LZTFL1: variants seen among roughly 807,000 people sequenced by gnomAD.
LZTFL1 encodes leucine zipper transcription factor like 1.
LZTFL1 carries 25 observed loss-of-function variants against 45.9 expected under a neutral mutation model. That is an observed-to-expected ratio of 0.54 (90% CI 0.40 to 0.76). The LOEUF is 0.76. Ranked by LOEUF, LZTFL1 falls within the 30% of genes least tolerant of loss-of-function variation. The probability of loss-of-function intolerance (pLI) is 0.00; values close to 1 mark genes in which losing one functional copy is unlikely to be tolerated. For synonymous variants in LZTFL1, 93 were observed against 117.4 expected, an observed-to-expected ratio of 0.79 and a Z score of 1.35; for missense variants, 277 against 331.1, an observed-to-expected ratio of 0.84 and a Z score of 1.27.
In LZTFL1 at chr3:45,838,546, A is replaced by G. The variant is rs564550304; in HGVS notation, c.4-495T>C. 2.0e-5 allele frequency among the ~76,000 whole-genome samples: 3 copies of G among 152,346 alleles called. No homozygotes were observed. In the South Asian group the frequency reaches 6.2e-4, roughly 32 times the overall value. On this transcript the variant is annotated intron_variant, in intron 1 of 9. Coordinates refer to ENST00000296135, the MANE Select transcript of LZTFL1 (RefSeq NM_020347.4). ...AAGCCACTTAACCTTACAGCAAAAA[A>G]CAGCAACTCTGTTATAGCAGCTTAA...
chr3:45,865,757 A>G (rs1429451444), intron 2 of LZTFL1, among the ~76,000 whole-genome samples: 1 of 152,254 alleles, frequency 6.6e-6, no homozygotes, highest in African/African-American at 2.4e-5. Context: ...AAAGTTAAAC[A>G]TAGAGTTATC....
intron 3 of LZTFL1, among the ~76,000 whole-genome samples, chr3:45,855,299 T>C (rs1701373404): frequency 6.6e-6 from 1 of 151,998 alleles, no homozygotes; most frequent in Non-Finnish European, 1.5e-5. Flanking sequence ...TAAACAGAAC[T>C]AAAGACAAAA....
At chr3:45,873,093 CTT>C (rs35482426) in intron 2 of LZTFL1, among the ~76,000 whole-genome samples, 13,319 of 152,236 alleles carry the variant, frequency 0.087, 1,007 homozygotes, top group South Asian at 0.36. Context: ...TAAAATAAGA[CTT>C]AAGACAAACC....
intron 1 of LZTFL1, among the ~76,000 whole-genome samples, chr3:45,841,043 A>G (rs746454735): frequency 6.6e-6 from 1 of 152,240 alleles, no homozygotes; most frequent in Non-Finnish European, 1.5e-5. Context: ...AAGATAGAAC[A>G]GGAAGAGATA....
intron 2 of LZTFL1, among the ~76,000 whole-genome samples, chr3:45,873,988 C>G (rs565894099): frequency 6.6e-6 from 1 of 152,322 alleles, no homozygotes; most frequent in African/African-American, 2.4e-5. Context: ...TGTGCACATG[C>G]ATGCACACAT....
chr3:45,868,878 C>T (rs924549401), intron 2 of LZTFL1, among the ~76,000 whole-genome samples: 8 of 152,332 alleles, frequency 5.3e-5, no homozygotes, highest in South Asian at 2.1e-4. Context: ...TCTCCCTTGA[C>T]ATCCAAATGT....
At chr3:45,831,561 CTGAGG>C (rs1401210224) in intron 5 of LZTFL1, among the ~76,000 whole-genome samples, 5 of 152,216 alleles carry the variant, frequency 3.3e-5, no homozygotes, top group Non-Finnish European at 5.9e-5. Context: ...ATGCTTCTGA[CTGAGG>C]TGAGGCCAAA....
In LZTFL1 at chr3:45,826,020, A is replaced by G; in HGVS notation, c.*294T>C. The G allele has an allele frequency of 2.8e-6, 1 of 351,440 alleles. No homozygotes were observed. The highest frequency in any genetic ancestry group is 5.1e-6 in the Non-Finnish European group (1 of 195,572). The allele number at this position is 351,440 out of a possible 1,614,324, so 21.8% of individuals were successfully genotyped here. A position where few individuals can be genotyped will look rare whatever the true frequency, so the allele number is the denominator to read the frequency against. Reference sequence around the variant, plus strand: ...ACTCTTTATACTAATGCAGAAGGATAAGCCTCTTCTTCCCACTCTAAAAAT... The same window carrying G: ...ACTCTTTATACTAATGCAGAAGGATGAGCCTCTTCTTCCCACTCTAAAAAT... On this transcript the variant is annotated 3_prime_UTR_variant, in exon 10 of 10. Coordinates refer to ENST00000296135, the MANE Select transcript of LZTFL1 (RefSeq NM_020347.4).
Position 45,828,593 on chromosome 3 carries a change from A to C in LZTFL1, c.623T>G (p.Leu208Ter). 6.2e-7 allele frequency: 1 copy of C among 1,613,834 alleles called. No individual in the cohort carries two copies. Among genetic ancestry groups the C allele is most frequent in the Non-Finnish European group, 8.5e-7 (1 of 1,179,868 alleles). The change falls in exon 8 of 10, where the codon TTA becomes TGA. Residue 208 changes from leucine (L) to a stop codon, truncating the protein, a stop_gained. Coordinates refer to ENST00000296135, the MANE Select transcript of LZTFL1 (RefSeq NM_020347.4). LOFTEE classifies it high-confidence loss of function. The part of the protein sequence containing the change: ...NQKDFIKAQD[L>*]SNLENTVAAL... ...AGCGACAGTGTTTTCTAAGTTACTT[A>C]AGTCTTGGGCCTTTATAAAATCCTA...
chr3:45,908,619 C>T (rs1197263518), intron 2 of LZTFL1, among the ~76,000 whole-genome samples: 2 of 152,096 alleles, frequency 1.3e-5, no homozygotes, highest in Admixed American at 6.6e-5. Context: ...ACAGGAATGA[C>T]CTACAGGAAG....
At chr3:45,860,477 G>A (rs201546651) in intron 2 of LZTFL1, among the ~76,000 whole-genome samples, 73 of 143,174 alleles carry the variant, frequency 5.1e-4, no homozygotes, top group Admixed American at 2.5e-3. Context: ...TTTTTTTTTT[G>A]TTTTTTGGTA....
chr3:45,869,054 C>A (rs528536910), intron 2 of LZTFL1, among the ~76,000 whole-genome samples: 2 of 152,336 alleles, frequency 1.3e-5, no homozygotes, highest in South Asian at 4.1e-4. Flanking sequence ...ATGACCACAG[C>A]AGAGAGAAGG....
chr3:45,838,216 T>C (rs1338941325), intron 1 of LZTFL1, among the ~76,000 whole-genome samples, 165 bp from the exon 2 acceptor site: 3 of 152,198 alleles, frequency 2.0e-5, no homozygotes, highest in Admixed American at 6.5e-5. Context: ...TGACACTTCC[T>C]TGCCCTCCTT....
chr3:45,873,648 C>T (rs946213539), intron 2 of LZTFL1, among the ~76,000 whole-genome samples: 5 of 152,048 alleles, frequency 3.3e-5, no homozygotes, highest in African/African-American at 1.2e-4. Flanking sequence ...TTCCCCTCTC[C>T]CCTCGATAAA....
chr3:45,855,735 T>C (rs894963091), intron 3 of LZTFL1, among the ~76,000 whole-genome samples: 1 of 152,182 alleles, frequency 6.6e-6, no homozygotes, highest in Non-Finnish European at 1.5e-5. Context: ...TGTGCAAAAA[T>C]CACAAACATT....
At chr3:45,893,096 T>C (rs9869542) in intron 2 of LZTFL1, among the ~76,000 whole-genome samples, 32,479 of 151,804 alleles carry the variant, frequency 0.21, 3,614 homozygotes, top group East Asian at 0.28. Context: ...CCCACTGAGG[T>C]TTCCTTTGTA....
intron 7 of LZTFL1, among the ~76,000 whole-genome samples, chr3:45,829,828 A>T (rs1700769689): frequency 6.6e-6 from 1 of 152,366 alleles, no homozygotes; most frequent in South Asian, 2.1e-4. Context: ...CAATTGTTTG[A>T]CTTAGGAGAA....
At chr3:45,911,521 C>A (rs1466657939) in intron 2 of LZTFL1, among the ~76,000 whole-genome samples, 1 of 152,240 alleles carries the variant, frequency 6.6e-6, no homozygotes, top group African/African-American at 2.4e-5. Flanking sequence ...AGAACCCAAT[C>A]TCTTAGAGGC....
chr3:45,828,560 T>C lies in LZTFL1; in HGVS notation c.656A>G (p.Lys219Arg). The C allele has an allele frequency of 6.2e-7, 1 of 1,614,244 alleles. No individual in the cohort carries two copies. Among genetic ancestry groups the C allele is most frequent in the Non-Finnish European group, 8.5e-7 (1 of 1,180,040 alleles). The change falls in exon 8 of 10, where the codon AAG becomes AGG. Residue 219 changes from lysine (K) to arginine (R), a missense_variant. Lys to Arg is a conservative substitution (Grantham distance 26, BLOSUM62 2). Transcript: ENST00000296135. ...ATTAAGTGTCTTCTGAAACTCACTC[T>C]TTAAGGCAGCGACAGTGTTTTCTAA... is the stretch of plus-strand genomic sequence containing the variant. Reference protein sequence around the residue: ...SNLENTVAALKSEFQKTLNDK... With the variant: ...SNLENTVAALRSEFQKTLNDK...
Sources: gnomAD v4.1 joint callset for allele counts (sites outside exome capture counted in the v4.1 genomes callset) on GRCh38, gnomAD v4.1.1 for gene constraint, MANE v1.5 for transcripts, NCBI Gene and HGNC (gene_info 2026-07-23, HGNC 2026-07-21) for gene names.